The following OSBPL6 variants were observed in gnomAD, a reference collection of about 807,000 sequenced individuals.
OSBPL6 encodes oxysterol binding protein like 6.
A neutral mutation model predicts 125.8 loss-of-function variants in OSBPL6; 49 were observed. The ratio of observed to expected loss-of-function variants is 0.39; its 90% CI spans 0.31 to 0.49. The LOEUF (loss-of-function observed/expected upper bound fraction) is 0.49. OSBPL6 is among the 20% of genes least tolerant of loss of function. OSBPL6 has a pLI of 0.88. For synonymous variants in OSBPL6, 394 were observed against 391.8 expected (o/e 1.01, Z -0.07); for missense variants, 986 against 1,135.4 (o/e 0.87, Z 1.89).
chr2:178,308,044 T>A (rs1686940354), intron 3 of OSBPL6, among the ~76,000 whole-genome samples: 1 of 152,174 alleles, frequency 6.6e-6, no homozygotes, highest in Admixed American at 6.5e-5. Flanking sequence ...GGATAATGAG[T>A]TCTAGAAAAG....
intron 2 of OSBPL6, among the ~76,000 whole-genome samples, chr2:178,288,542 G>A (rs2154040195): frequency 6.6e-6 from 1 of 151,788 alleles, no homozygotes; most frequent in African/African-American, 2.4e-5. Flanking sequence ...TACATATCCA[G>A]TAAAAGTATG....
chr2:178,377,562 C>A (rs1450287576), intron 15 of OSBPL6, among the ~76,000 whole-genome samples: 1 of 152,194 alleles, frequency 6.6e-6, no homozygotes, highest in African/African-American at 2.4e-5. Flanking sequence ...AGCAACCCAC[C>A]TGGTGAGTTG....
At chr2:178,223,718 G>T (rs1260490532) in intron 1 of OSBPL6, among the ~76,000 whole-genome samples, 2 of 152,124 alleles carry the variant, frequency 1.3e-5, no homozygotes, top group Non-Finnish European at 2.9e-5. Flanking sequence ...AATGATTTTA[G>T]CACACTCACC....
chr2:178,343,088 A>C (rs1354942032), intron 11 of OSBPL6, among the ~76,000 whole-genome samples: 1 of 152,180 alleles, frequency 6.6e-6, no homozygotes. Flanking sequence ...TAATTTTGGA[A>C]CTTTTTTGAA....
intron 1 of OSBPL6, among the ~76,000 whole-genome samples, chr2:178,246,201 G>A (rs13425411): frequency 0.043 from 6,578 of 152,184 alleles, 459 homozygotes; most frequent in African/African-American, 0.15. Context: ...AGTATTAGCT[G>A]TTTCTCCTTT....
chr2:178,395,399 A>G, intron 24 of OSBPL6, 52 bp from the exon 25 acceptor site: 2 of 1,340,684 alleles, frequency 1.5e-6, no homozygotes, highest in South Asian at 1.2e-5. Context: ...GGTCCTATTT[A>G]AGGTTACCTT....
chr2:178,322,649 G>A (rs1468924848), intron 3 of OSBPL6, among the ~76,000 whole-genome samples: 1 of 152,026 alleles, frequency 6.6e-6, no homozygotes, highest in African/African-American at 2.4e-5. Context: ...TTTGAATGAA[G>A]TTTTTTGTTG....
chr2:178,325,147 C>T (rs1229514018), intron 4 of OSBPL6, among the ~76,000 whole-genome samples: 1 of 152,178 alleles, frequency 6.6e-6, no homozygotes, highest in East Asian at 1.9e-4. Context: ...CCTACTCCTG[C>T]CCATCCCTCC....
chr2:178,291,792 G>GCCATCAATCCATCCAT (rs1685299867), intron 2 of OSBPL6, among the ~76,000 whole-genome samples: 1 of 116,640 alleles, frequency 8.6e-6, no homozygotes, highest in Admixed American at 8.8e-5. Context: ...CTTCCTGCCT[G>GCCATCAATCCATCCAT]CCATCCATCC....
chr2:178,328,132 T>G, intron 4 of OSBPL6, 124 bp from the exon 5 acceptor site: 1 of 1,253,254 alleles, frequency 8.0e-7, no homozygotes, highest in Non-Finnish European at 1.1e-6. Flanking sequence ...CTCCGGAATG[T>G]TGTTCATCCT....
Position 178,398,354 on chromosome 2 carries a change from A to G in OSBPL6, c.*2795A>G, listed in dbSNP as rs1695974031. On this transcript the variant is annotated 3_prime_UTR_variant, in exon 25 of 25. Transcript: ENST00000190611. ...TATACTTCTCCCATGGTTTATTCAT[A>G]AGCTGCTTCATCTCATTGGAGATGG... is the stretch of plus-strand genomic sequence containing the variant. 1 of 152,196 alleles carries G rather than the reference A, an allele frequency of 6.6e-6. No homozygotes were observed. The highest frequency in any genetic ancestry group is 1.5e-5 in the Non-Finnish European group (1 of 68,042). 9.4% of individuals were successfully genotyped at this position (152,196 alleles called of 1,614,324 possible).
intron 13 of OSBPL6, among the ~76,000 whole-genome samples, chr2:178,370,606 T>C (rs556881754): frequency 2.6e-5 from 4 of 152,296 alleles, no homozygotes; most frequent in African/African-American, 9.6e-5. Flanking sequence ...GAGTCTTCCT[T>C]TGAGGCACAT....
rs937010800 is a variant in OSBPL6 at position 178,373,817 on chromosome 2, C to A, written c.1396-73C>A. ...ACATACAGTATTAAAGAGTAGAAAT[C>A]TGGCTAATTTGAAGGAATAGCTATT... On this transcript the variant is annotated intron_variant, in intron 14 of 24. Transcript: ENST00000190611. The A allele has an allele frequency of 4.3e-5, 67 of 1,560,948 alleles. 1 individual carries two copies. The South Asian group carries it at 7.6e-4, about 18-fold the overall frequency.
intron 12 of OSBPL6, among the ~76,000 whole-genome samples, chr2:178,361,061 G>A (rs1250582258): frequency 6.6e-6 from 1 of 152,108 alleles, no homozygotes; most frequent in South Asian, 2.1e-4. Context: ...AATGGGGAGG[G>A]GGTGTTGTTT....
intron 6 of OSBPL6, 38 bp downstream of exon 6, chr2:178,331,643 C>T (rs747047995): frequency 2.1e-5 from 34 of 1,602,672 alleles, no homozygotes; most frequent in South Asian, 1.8e-4. Flanking sequence ...AGGTTGATTT[C>T]GAATTCTGCT....
At chr2:178,254,596 C>G (rs536390658) in intron 1 of OSBPL6, among the ~76,000 whole-genome samples, 2 of 152,196 alleles carry the variant, frequency 1.3e-5, no homozygotes, top group East Asian at 3.9e-4. Context: ...AGCTAGATGT[C>G]CTGTATTTTG....
At position 178,302,395 on chromosome 2, in the gene OSBPL6, T is replaced by C. The variant is rs1175020462; in HGVS notation, c.-155-3635T>C. 3.3e-5 allele frequency among the ~76,000 whole-genome samples: 5 copies of C among 152,342 alleles called. No homozygotes were observed. The East Asian group carries it at 9.6e-4, about 29-fold the overall frequency. ...TTAGGCAATTTCTGAAAATGTTCTTTCGTAGAGATGACTTTTTTTTATGTT... is the reference window on the plus strand; with the variant it reads ...TTAGGCAATTTCTGAAAATGTTCTTCCGTAGAGATGACTTTTTTTTATGTT... On this transcript the variant is annotated intron_variant, in intron 2 of 24. Transcript: ENST00000190611.
At chr2:178,212,802 C>T (rs2089919814) in intron 1 of OSBPL6, among the ~76,000 whole-genome samples, 2 of 142,358 alleles carry the variant, frequency 1.4e-5, no homozygotes, top group Non-Finnish European at 3.0e-5. Context: ...GAACACAGAC[C>T]CTCTTGATAA....
intron 13 of OSBPL6, among the ~76,000 whole-genome samples, chr2:178,365,685 AAAAT>A (rs1692762779): frequency 6.6e-6 from 1 of 152,268 alleles, no homozygotes; most frequent in South Asian, 2.1e-4. Flanking sequence ...TAAAAAAATA[AAAAT>A]AAATAAAGTA....
Sources: gnomAD v4.1 joint callset for allele counts (sites outside exome capture counted in the v4.1 genomes callset) on GRCh38, gnomAD v4.1.1 for gene constraint, MANE v1.5 for transcripts, NCBI Gene and HGNC (gene_info 2026-07-23, HGNC 2026-07-21) for gene names.